The following PDE4D variants were observed in gnomAD, a reference collection of about 807,000 sequenced individuals.
The protein encoded by PDE4D is phosphodiesterase 4D.
PDE4D carries 24 observed loss-of-function variants against 87.4 expected under a neutral mutation model. The observed-to-expected ratio is 0.27, with a 90% CI of 0.20 to 0.39. PDE4D has a LOEUF of 0.39. Ranked by LOEUF, PDE4D falls within the 10% of genes least tolerant of loss-of-function variation. The pLI is 1.00. For missense variants in PDE4D, 714 were observed against 1,041.0 expected (o/e 0.69, Z 4.32); for synonymous variants, 384 against 383.2 (o/e 1.00, Z -0.02).
chr5:59,972,967 C>T (rs1377797194), intron 3 of PDE4D, among the ~76,000 whole-genome samples: 1 of 152,074 alleles, frequency 6.6e-6, no homozygotes, highest in Non-Finnish European at 1.5e-5. Context: ...TTTGGGGAGT[C>T]GGTCACCAAC....
At chr5:60,322,808 A>G (rs371103149) in intron 1 of PDE4D, among the ~76,000 whole-genome samples, 7 of 152,042 alleles carry the variant, frequency 4.6e-5, no homozygotes, top group African/African-American at 1.7e-4. Context: ...ATTGCATCCA[A>G]TTTTCCAGTC....
intron 5 of PDE4D, chr5:59,179,777 T>C (rs1042510106): frequency 1.0e-5 from 3 of 295,414 alleles, no homozygotes; most frequent in African/African-American, 7.0e-5. Context: ...AATATGCTAA[T>C]TTTCTTCTGG....
At chr5:59,049,831 A>G (rs1761261686) in intron 5 of PDE4D, among the ~76,000 whole-genome samples, 1 of 152,222 alleles carries the variant, frequency 6.6e-6, no homozygotes, top group African/African-American at 2.4e-5. Context: ...CGGAATCGCT[A>G]TCTCTGCTTT....
chr5:60,380,026 A>C (rs1761735890), intron 1 of PDE4D, among the ~76,000 whole-genome samples: 1 of 152,226 alleles, frequency 6.6e-6, no homozygotes, highest in Non-Finnish European at 1.5e-5. Context: ...GTATGAGCAA[A>C]GGTATAAAAG....
At position 59,026,599 on chromosome 5, in the gene PDE4D, A is replaced by G. The variant is rs116748626; in HGVS notation, c.921+12260T>C. The stretch of plus-strand genomic sequence containing the variant: ...CAGAACAATAAAACAGAGACACAAA[A>G]TATTGTACTAAGAGTTAAGAGAATT... On this transcript the variant is annotated intron_variant, in intron 6 of 14. Coordinates refer to ENST00000340635, the MANE Select transcript of PDE4D (RefSeq NM_001104631.2). Among the ~76,000 whole-genome samples the G allele has an allele frequency of 1.4e-3, 211 of 152,296 alleles. 1 individual carries two copies. The highest frequency in any genetic ancestry group is 4.8e-3 in the African/African-American group (201 of 41,552).
chr5:59,277,498 A>G (rs1289215526), intron 1 of PDE4D, among the ~76,000 whole-genome samples: 1 of 152,154 alleles, frequency 6.6e-6, no homozygotes, highest in Non-Finnish European at 1.5e-5. Context: ...GATTTAGAGG[A>G]AGAGGTTTAA....
At chr5:60,204,369 G>A (rs1742269412) in intron 1 of PDE4D, among the ~76,000 whole-genome samples, 1 of 152,058 alleles carries the variant, frequency 6.6e-6, no homozygotes, top group Admixed American at 6.5e-5. Context: ...CTCAAGCTTA[G>A]CCCAGACTTG....
chr5:59,048,137 C>A (rs1051632737), intron 5 of PDE4D, among the ~76,000 whole-genome samples: 1 of 152,122 alleles, frequency 6.6e-6, no homozygotes, highest in Non-Finnish European at 1.5e-5. Context: ...TTCAGCAACA[C>A]AAGACTAAAG....
intron 2 of PDE4D, among the ~76,000 whole-genome samples, chr5:60,144,157 C>T (rs2149426801): frequency 6.6e-6 from 1 of 152,274 alleles, no homozygotes; most frequent in African/African-American, 2.4e-5. Context: ...CAAGATAAGG[C>T]TTTTGGTCAC....
At chr5:59,378,098 C>T (rs1271837165) in intron 1 of PDE4D, among the ~76,000 whole-genome samples, 1 of 152,050 alleles carries the variant, frequency 6.6e-6, no homozygotes, top group Non-Finnish European at 1.5e-5. Flanking sequence ...TACTCTGCAG[C>T]CATAAAAAAG....
At chr5:59,846,449 G>A (rs535126715) in intron 1 of PDE4D, among the ~76,000 whole-genome samples, 22 of 152,092 alleles carry the variant, frequency 1.4e-4, no homozygotes, top group Non-Finnish European at 1.5e-4. Context: ...AAGCCTTTCC[G>A]TAGAAATTCT....
intron 1 of PDE4D, among the ~76,000 whole-genome samples, chr5:59,824,527 G>T (rs959530612): frequency 1.3e-5 from 2 of 152,172 alleles, no homozygotes; most frequent in African/African-American, 4.8e-5. Flanking sequence ...ATAGTTCAAA[G>T]AATTTTGAGA....
intron 10 of PDE4D, among the ~76,000 whole-genome samples, chr5:58,989,530 C>A (rs752103098): frequency 4.6e-5 from 7 of 151,938 alleles, no homozygotes; most frequent in Non-Finnish European, 8.8e-5. Context: ...TTCAAAGAAG[C>A]AATATCATAA....
At chr5:59,907,821 C>G (rs1183384626) in intron 3 of PDE4D, among the ~76,000 whole-genome samples, 2 of 152,082 alleles carry the variant, frequency 1.3e-5, no homozygotes, top group Non-Finnish European at 2.9e-5. Context: ...GAAGTTTACT[C>G]CAAAGCAAGA....
At position 59,199,967 on chromosome 5, in the gene PDE4D, CACAT is replaced by C. The variant is rs199608719; in HGVS notation, c.648-6435_648-6432del. The stretch of plus-strand genomic sequence containing the variant: ...ATATACATACATGTATACATACAGG[CACAT>C]ACATACATATATACACATGCATACA... On this transcript the variant is annotated intron_variant, in intron 2 of 14. Transcript: ENST00000340635. Among the ~76,000 whole-genome samples, 691 of 150,762 alleles carry C rather than the reference CACAT, an allele frequency of 4.6e-3. 5 individuals carry two copies. The highest frequency in any genetic ancestry group is 4.4e-3 in the South Asian group (21 of 4,802).
intron 6 of PDE4D, among the ~76,000 whole-genome samples, chr5:59,031,387 ATATATT>A (rs1280538690): frequency 8.4e-5 from 6 of 71,678 alleles, no homozygotes; most frequent in African/African-American, 4.0e-4. Context: ...ATATATATAT[ATATATT>A]ATATATATAT....
intron 1 of PDE4D, among the ~76,000 whole-genome samples, chr5:60,447,143 T>C (rs949722717): frequency 6.6e-6 from 1 of 152,242 alleles, no homozygotes; most frequent in African/African-American, 2.4e-5. Flanking sequence ...GGAATCAAAG[T>C]TTGTATGGAG....
At chr5:59,111,288 C>T (rs1243210166) in intron 5 of PDE4D, among the ~76,000 whole-genome samples, 1 of 152,190 alleles carries the variant, frequency 6.6e-6, no homozygotes, top group African/African-American at 2.4e-5. Flanking sequence ...GGGATAGTTC[C>T]TGCAGATTTT....
chr5:59,008,221 T>C (rs1752039185), intron 6 of PDE4D, among the ~76,000 whole-genome samples: 2 of 152,040 alleles, frequency 1.3e-5, no homozygotes, highest in African/African-American at 4.8e-5. Context: ...AAGTATTGTC[T>C]CCTTATAGAG....
Sources: allele counts gnomAD v4.1 joint callset (sites outside exome capture counted in the v4.1 genomes callset), GRCh38; gene constraint gnomAD v4.1.1; transcripts MANE v1.5; gene names NCBI Gene and HGNC (gene_info 2026-07-23, HGNC 2026-07-21).